Variants in DLGAP2 observed in about 807,000 individuals in gnomAD.
The protein encoded by DLGAP2 is disks large-associated protein 2.
A neutral mutation model predicts 100.3 loss-of-function variants in DLGAP2; 26 were observed. The observed-to-expected ratio is 0.26, with a 90% CI of 0.19 to 0.36. DLGAP2 has a LOEUF of 0.36. Among genes scored for constraint, DLGAP2 ranks in the 10% least tolerant of loss-of-function variants. DLGAP2 has a pLI of 1.00. For synonymous variants in DLGAP2, 886 were observed against 630.1 expected, an observed-to-expected ratio of 1.41 and a Z score of -6.08; for missense variants, 1,858 against 1,453.2, an observed-to-expected ratio of 1.28 and a Z score of -4.53.
chr8:1,091,467 A>C (rs542905146), intron 2 of DLGAP2, among the ~76,000 whole-genome samples: 1 of 152,232 alleles, frequency 6.6e-6, no homozygotes, highest in Non-Finnish European at 1.5e-5. Flanking sequence ...ACAAAGAGAA[A>C]TGGAACATCG....
At chr8:770,896 G>T (rs1377965278) in intron 1 of DLGAP2, among the ~76,000 whole-genome samples, 1 of 151,298 alleles carries the variant, frequency 6.6e-6, no homozygotes, top group African/African-American at 2.4e-5. Context: ...AAAGTAGAAG[G>T]ACTCTTAGGG....
intron 2 of DLGAP2, among the ~76,000 whole-genome samples, chr8:981,008 A>G (rs1228567565): frequency 2.0e-5 from 3 of 152,148 alleles, no homozygotes; most frequent in African/African-American, 7.2e-5. Flanking sequence ...TGTGACCAAC[A>G]TTACCATCTA....
intron 8 of DLGAP2, among the ~76,000 whole-genome samples, chr8:1,662,310 T>A (rs142541151): frequency 3.0e-3 from 459 of 152,364 alleles, no homozygotes; most frequent in African/African-American, 0.011. Flanking sequence ...ACAGTTTGGG[T>A]CATGGAGTGT....
chr8:1,614,622 A>C (rs569665899), intron 6 of DLGAP2, among the ~76,000 whole-genome samples: 1 of 152,362 alleles, frequency 6.6e-6, no homozygotes, highest in East Asian at 1.9e-4. Flanking sequence ...CCTGTGGCAC[A>C]GCCTCTGCCT....
chr8:1,097,557 G>T (rs1438490655), intron 2 of DLGAP2, among the ~76,000 whole-genome samples: 1 of 139,246 alleles, frequency 7.2e-6, no homozygotes, highest in Non-Finnish European at 1.5e-5. Flanking sequence ...GTAGAGTGGA[G>T]CTGGGAGCCC....
chr8:933,592 C>T (rs1399728849), intron 2 of DLGAP2, among the ~76,000 whole-genome samples: 24 of 50,716 alleles, frequency 4.7e-4, no homozygotes, highest in African/African-American at 1.8e-3. Flanking sequence ...GCCGTGGGCA[C>T]GAGGGGAGGG....
intron 2 of DLGAP2, among the ~76,000 whole-genome samples, chr8:908,591 C>T (rs969957731): frequency 3.9e-5 from 6 of 152,168 alleles, no homozygotes; most frequent in Non-Finnish European, 7.4e-5. Flanking sequence ...AAAAAAACTT[C>T]GTTATCATTA....
At chr8:1,509,872 A>G (rs75015721) in intron 4 of DLGAP2, among the ~76,000 whole-genome samples, 3,133 of 152,272 alleles carry the variant, frequency 0.021, 132 homozygotes, top group African/African-American at 0.072. Flanking sequence ...CAGGTAACCC[A>G]GCATCACCTG....
intron 8 of DLGAP2, among the ~76,000 whole-genome samples, chr8:1,656,790 G>A (rs925636998): frequency 2.6e-5 from 4 of 152,036 alleles, no homozygotes; most frequent in African/African-American, 4.8e-5. Context: ...CCTTTTCTTC[G>A]TGCCCCAAGT....
At chr8:1,514,098 G>A (rs950577361) in intron 4 of DLGAP2, among the ~76,000 whole-genome samples, 1 of 152,242 alleles carries the variant, frequency 6.6e-6, no homozygotes, top group Admixed American at 6.5e-5. Context: ...CAGGCATTGG[G>A]TGGCGTCTTG....
At chr8:1,188,943 T>G (rs1268132994) in intron 2 of DLGAP2, among the ~76,000 whole-genome samples, 1 of 152,098 alleles carries the variant, frequency 6.6e-6, no homozygotes, top group Non-Finnish European at 1.5e-5. Context: ...TCCAGGCCGG[T>G]TCCGCGGTTG....
rs1397797896 is a variant in DLGAP2, at chr8:1,483,629, GC to G, written c.107-17736del. ...GGAAGGCTGAACTGCTGTGCAGGAG[GC>G]TCAGGGAGCAGGACCTGAGGGCGTC... On this transcript the variant is annotated intron_variant, in intron 3 of 14. Coordinates refer to ENST00000637795, the MANE Select transcript of DLGAP2 (RefSeq NM_001346810.2). 3.3e-3 allele frequency among the ~76,000 whole-genome samples: 335 copies of G among 101,328 alleles called. 12 individuals carry two copies. Among genetic ancestry groups the G allele is most frequent in the African/African-American group, 9.2e-3 (217 of 23,494 alleles). The allele number at this position is 101,328 out of a possible 152,430, so 66.5% of individuals were successfully genotyped here. A position where few individuals can be genotyped will look rare whatever the true frequency, so the allele number is the denominator to read the frequency against.
At chr8:1,540,663 G>A (rs988804684) in intron 4 of DLGAP2, among the ~76,000 whole-genome samples, 3 of 152,244 alleles carry the variant, frequency 2.0e-5, no homozygotes, top group African/African-American at 4.8e-5. Context: ...GGAGCTGGAC[G>A]CATGCTGGTG....
chr8:1,552,881 A>G (rs774486486), intron 5 of DLGAP2, among the ~76,000 whole-genome samples: 1 of 152,150 alleles, frequency 6.6e-6, no homozygotes, highest in South Asian at 2.1e-4. Context: ...TTGAAAGGCA[A>G]TTCAGGCCTC....
intron 4 of DLGAP2, 96 bp downstream of exon 4, chr8:1,501,527 C>A (rs1336523031): frequency 1.7e-6 from 2 of 1,190,608 alleles, no homozygotes; most frequent in African/African-American, 1.5e-5. Context: ...CACAAACACA[C>A]GTTAGCATGT....
At chr8:1,448,735 C>T (rs1032436319) in intron 3 of DLGAP2, among the ~76,000 whole-genome samples, 6 of 152,166 alleles carry the variant, frequency 3.9e-5, no homozygotes, top group African/African-American at 1.4e-4. Context: ...ACTTTTTTCA[C>T]TTGGAGACCC....
chr8:968,023 C>T (rs962061388), intron 2 of DLGAP2, among the ~76,000 whole-genome samples: 3 of 151,140 alleles, frequency 2.0e-5, no homozygotes, highest in Non-Finnish European at 2.9e-5. Context: ...CACACGTGCT[C>T]ATTTGCCCTC....
intron 2 of DLGAP2, among the ~76,000 whole-genome samples, chr8:1,023,647 G>A (rs142798536): frequency 1.3e-3 from 200 of 151,690 alleles, no homozygotes; most frequent in African/African-American, 4.5e-3. Flanking sequence ...TGTTCCCCAC[G>A]TGTGGCTCAA....
intron 4 of DLGAP2, among the ~76,000 whole-genome samples, chr8:1,515,894 C>T (rs1298487300): frequency 6.6e-6 from 1 of 152,232 alleles, no homozygotes; most frequent in Non-Finnish European, 1.5e-5. Context: ...GAGGGATGGG[C>T]TTATTACAAT....
Sources: gnomAD v4.1 joint callset for allele counts (sites outside exome capture counted in the v4.1 genomes callset) on GRCh38, gnomAD v4.1.1 for gene constraint, MANE v1.5 for transcripts, NCBI Gene and HGNC (gene_info 2026-07-23, HGNC 2026-07-21) for gene names.